The following SNRPD2 variants were observed in gnomAD, a reference collection of about 807,000 sequenced individuals.
SNRPD2 encodes the protein small nuclear ribonucleoprotein D2 polypeptide.
In SNRPD2, 1 loss-of-function variant was observed where a neutral mutation model predicts 11.5. The observed-to-expected ratio is 0.09, with a 90% CI of 0.03 to 0.41. SNRPD2 has a LOEUF of 0.41. Ranked by LOEUF, SNRPD2 falls within the 10% of genes least tolerant of loss-of-function variation. SNRPD2 has a pLI of 0.98. For missense variants in SNRPD2, 77 were observed against 154.9 expected, an observed-to-expected ratio of 0.50 and a Z score of 2.67; for synonymous variants, 63 against 61.5, an observed-to-expected ratio of 1.02 and a Z score of -0.12.
rs139916044 is a variant in SNRPD2, at chr19:45,689,475, C to A, written c.3-909G>T. 432 of 267,632 alleles carry A rather than the reference C, an allele frequency of 1.6e-3. 3 individuals are homozygous for A. Among genetic ancestry groups the A allele is most frequent in the African/African-American group, 9.2e-3 (412 of 44,716 alleles). The allele number at this position is 267,632 out of a possible 1,614,324, so 16.6% of individuals were successfully genotyped here. A position where few individuals can be genotyped will look rare whatever the true frequency, so the allele number is the denominator to read the frequency against. ...TTGATGTGAGGAGTTCGAGACCAGCCTGGCCAACATGGTGAAACCCCATTT... is the reference window on the plus strand; with the variant it reads ...TTGATGTGAGGAGTTCGAGACCAGCATGGCCAACATGGTGAAACCCCATTT... On this transcript the variant is annotated intron_variant, in intron 1 of 2. Transcript: ENST00000342669.
Position 45,688,301 on chromosome 19 carries a change from A to T in SNRPD2, c.182+86T>A. 4.1e-6 allele frequency: 5 copies of T among 1,220,794 alleles called. No homozygotes were observed. The South Asian group carries it at 6.8e-5, about 16-fold the overall frequency. The allele number at this position is 1,220,794 out of a possible 1,614,324, so 75.6% of individuals were successfully genotyped here. On this transcript the variant is annotated intron_variant, in intron 2 of 2. Transcript: ENST00000342669. The surrounding 1 kb of genome is among the most constrained non-coding windows in gnomAD (Gnocchi z 4.1). ...CCTGGCCATACACCCCAGGCTTCTG[A>T]GACAGCTGTCTTTGAGCTCTTCAGA... is the stretch of plus-strand genomic sequence containing the variant.
intron 1 of SNRPD2, among the ~76,000 whole-genome samples, chr19:45,691,234 G>A (rs1967540039): frequency 6.6e-6 from 1 of 152,056 alleles, no homozygotes; most frequent in Admixed American, 6.6e-5. Context: ...GGGTTCAAGC[G>A]ATCCTCCGGC....
At chr19:45,691,241 C>G (rs1967540217) in intron 1 of SNRPD2, among the ~76,000 whole-genome samples, 2 of 152,146 alleles carry the variant, frequency 1.3e-5, no homozygotes, top group African/African-American at 4.8e-5. Flanking sequence ...AGCGATCCTC[C>G]GGCCTCAGCC....
Position 45,687,810 on chromosome 19 carries a change from T to C in SNRPD2, c.183-83A>G. 1 of 1,127,476 alleles carries C rather than the reference T, an allele frequency of 8.9e-7. No individual in the cohort carries two copies. The highest frequency in any genetic ancestry group is 1.3e-6 in the Non-Finnish European group (1 of 763,154). The allele number at this position is 1,127,476 out of a possible 1,614,324, so 69.8% of individuals were successfully genotyped here. On this transcript the variant is annotated intron_variant, in intron 2 of 2. Transcript: ENST00000342669. The surrounding 1 kb of genome is among the most constrained non-coding windows in gnomAD (Gnocchi z 4.1). ...CCCCTACTGCCTGCTGCTCGCCCCCTCCAGCAGCATGGCTTGGGGAAGGGT... is the reference window on the plus strand; with the variant it reads ...CCCCTACTGCCTGCTGCTCGCCCCCCCCAGCAGCATGGCTTGGGGAAGGGT...
In SNRPD2 at chr19:45,688,664, C is replaced by T; in HGVS notation, c.3-98G>A. On this transcript the variant is annotated intron_variant, in intron 1 of 2. Coordinates refer to ENST00000342669, the MANE Select transcript of SNRPD2 (RefSeq NM_001384647.1). The surrounding 1 kb of genome is among the most constrained non-coding windows in gnomAD (Gnocchi z 4.1). ...ATCAGGGCCTTGGCTTCAGTGTCTCCCCAACCTTGTCCCACCACATCTGTC... is the reference window on the plus strand; with the variant it reads ...ATCAGGGCCTTGGCTTCAGTGTCTCTCCAACCTTGTCCCACCACATCTGTC... 4 of 876,176 alleles carry T rather than the reference C, an allele frequency of 4.6e-6. No homozygotes were observed. 54.3% of individuals were successfully genotyped at this position (876,176 alleles called of 1,614,324 possible).
chr19:45,691,832 G>T (rs1967566420), intron 1 of SNRPD2, 55 bp downstream of exon 1: 4 of 1,610,122 alleles, frequency 2.5e-6, no homozygotes, highest in South Asian at 2.2e-5. Context: ...CACTCAATCG[G>T]TCAAATATCC....
At chr19:45,689,227 T>A (rs1967480214) in intron 1 of SNRPD2, 1 of 520,084 alleles carries the variant, frequency 1.9e-6, no homozygotes, top group African/African-American at 1.9e-5. Context: ...AATGGCCGTT[T>A]CTTACCATGG....
In SNRPD2 at chr19:45,688,483, A is replaced by G; in HGVS notation, c.86T>C (p.Leu29Pro). Residue 29 changes from leucine (L) to proline (P), a missense_variant, in exon 2 of 3, where the codon CTC (leucine) becomes CCC (proline). Coordinates refer to ENST00000342669, the MANE Select transcript of SNRPD2 (RefSeq NM_001384647.1). This position sits in a 1 kb window ranked among gnomAD's most constrained non-coding sequence, Gnocchi z 4.1. Reference protein sequence around the residue: ...REEEEFNTGPLSVLTQSVKNN... With the variant: ...REEEEFNTGPPSVLTQSVKNN... Reference sequence around the variant, plus strand: ...CTTGACTGACTGTGTGAGCACAGAGAGTGGACCGGTGTTAAATTCCTCCTC... The same window carrying G: ...CTTGACTGACTGTGTGAGCACAGAGGGTGGACCGGTGTTAAATTCCTCCTC... The G allele has an allele frequency of 6.2e-7, 1 of 1,614,056 alleles. No homozygotes were observed. Among genetic ancestry groups the G allele is most frequent in the Non-Finnish European group, 8.5e-7 (1 of 1,179,902 alleles).
At chr19:45,691,796 C>T (rs966745880) in intron 1 of SNRPD2, 91 bp downstream of exon 1, 1 of 1,498,408 alleles carries the variant, frequency 6.7e-7, no homozygotes, top group Non-Finnish European at 9.3e-7. Context: ...TGCCCCTGCC[C>T]CCCCCGCTCT....
At chr19:45,691,792 T>C in intron 1 of SNRPD2, 95 bp downstream of exon 1, 1 of 1,426,350 alleles carries the variant, frequency 7.0e-7, no homozygotes, top group Non-Finnish European at 9.8e-7. Context: ...CATCTGCCCC[T>C]GCCCCCCCCG....
intron 1 of SNRPD2, 60 bp downstream of exon 1, chr19:45,691,827 A>T: frequency 6.2e-7 from 1 of 1,603,050 alleles, no homozygotes; most frequent in East Asian, 2.2e-5. Flanking sequence ...TCCCACACTC[A>T]ATCGGTCAAA....
rs1967468217 is a variant in SNRPD2, at chr19:45,688,673, G to T, written c.3-107C>A. The T allele has an allele frequency of 1.3e-6, 1 of 785,390 alleles. No homozygotes were observed. Among genetic ancestry groups the T allele is most frequent in the African/African-American group, 1.7e-5 (1 of 58,676 alleles). The allele number at this position is 785,390 out of a possible 1,614,324, so 48.7% of individuals were successfully genotyped here. ...TTGGCTTCAGTGTCTCCCCAACCTT[G>T]TCCCACCACATCTGTCCTCCTGTTC... On this transcript the variant is annotated intron_variant, in intron 1 of 2. Coordinates refer to ENST00000342669, the MANE Select transcript of SNRPD2 (RefSeq NM_001384647.1). The surrounding 1 kb of genome is among the most constrained non-coding windows in gnomAD (Gnocchi z 4.1).
In SNRPD2 at chr19:45,691,903, T is replaced by C; in HGVS notation, c.-15A>G. The C allele has an allele frequency of 1.9e-6, 3 of 1,613,972 alleles. No homozygotes were observed. Among genetic ancestry groups the C allele is most frequent in the African/African-American group, 1.3e-5 (1 of 74,978 alleles). On this transcript the variant is annotated 5_prime_UTR_variant, in exon 1 of 3. Transcript: ENST00000342669. ...CGGCCTCACATGATGGTCACTACGC[T>C]CTCCGTTCACTCCCGTTTCCTCCGC... is the stretch of plus-strand genomic sequence containing the variant.
Position 45,687,622 on chromosome 19 carries a change from G to A in SNRPD2, c.288C>T (p.Ile96=), listed in dbSNP as rs545256153. ...AGTCCCCGCGCAGGAACATCTTGGAGATGTAGCGGTCTTTGTTGACTGGCT... is the reference window on the plus strand; with the variant it reads ...AGTCCCCGCGCAGGAACATCTTGGAAATGTAGCGGTCTTTGTTGACTGGCT... ...KSKPVNKDRY[I]SKMFLRGDSV... is the part of the protein sequence containing the mutation. The change falls in exon 3 of 3, where the codon ATC becomes ATT. Residue 96 remains isoleucine (I), a synonymous_variant. Coordinates refer to ENST00000342669, the MANE Select transcript of SNRPD2 (RefSeq NM_001384647.1). The surrounding 1 kb of genome is among the most constrained non-coding windows in gnomAD (Gnocchi z 4.1). 2.4e-5 allele frequency: 38 copies of A among 1,614,216 alleles called. No homozygotes were observed. In the South Asian group the frequency reaches 3.5e-4, roughly 15 times the overall value.
chr19:45,689,319 A>G (rs1967481950), intron 1 of SNRPD2: 1 of 519,266 alleles, frequency 1.9e-6, no homozygotes, highest in African/African-American at 1.9e-5. Context: ...TGTTCTCCAC[A>G]GAGTGGTCTG....
At chr19:45,690,702 G>T (rs1239447569) in intron 1 of SNRPD2, 5 of 151,152 alleles carry the variant, frequency 3.3e-5, no homozygotes, top group Admixed American at 3.3e-4. Flanking sequence ...CATGGTGGTG[G>T]GTGCCTGTAA....
upstream of SNRPD2, chr19:45,692,048 C>T (rs986746058): frequency 3.1e-5 from 49 of 1,577,388 alleles, no homozygotes; most frequent in African/African-American, 8.1e-5. Flanking sequence ...GCATTCCCCA[C>T]CAACGGTGCA....
chr19:45,691,748 A>C, intron 1 of SNRPD2, 139 bp downstream of exon 1: 1 of 1,091,082 alleles, frequency 9.2e-7, no homozygotes, highest in East Asian at 2.4e-5. Context: ...TCTCAAACTC[A>C]TCAGGAGAAA....
rs1967572470 is a variant in SNRPD2, at chr19:45,691,932, G to A, written c.-44C>T. On this transcript the variant is annotated 5_prime_UTR_variant, in exon 1 of 3. Coordinates refer to ENST00000342669, the MANE Select transcript of SNRPD2 (RefSeq NM_001384647.1). Reference sequence around the variant, plus strand: ...CGTTCACTCCCGTTTCCTCCGCGTTGCTGCTGCCTGAGGAGAGAGAGGCGG... The same window carrying A: ...CGTTCACTCCCGTTTCCTCCGCGTTACTGCTGCCTGAGGAGAGAGAGGCGG... The A allele has an allele frequency of 1.9e-6, 3 of 1,613,942 alleles. No homozygotes were observed. Among genetic ancestry groups the A allele is most frequent in the Admixed American group, 1.7e-5 (1 of 59,994 alleles).
Sources: allele counts gnomAD v4.1 joint callset (sites outside exome capture counted in the v4.1 genomes callset), GRCh38; gene constraint gnomAD v4.1.1; non-coding constraint Gnocchi (gnomAD v3.1); transcripts MANE v1.5; gene names NCBI Gene and HGNC (gene_info 2026-07-23, HGNC 2026-07-21).